TAFA1: variants seen among roughly 807,000 people sequenced by gnomAD.
The protein encoded by TAFA1 is TAFA chemokine like family member 1.
Under a neutral mutation model 18.5 loss-of-function variants are expected in TAFA1, and 4 were observed. That is an observed-to-expected ratio of 0.22 (90% CI 0.11 to 0.49). TAFA1 has a LOEUF of 0.49. TAFA1 is among the 20% of genes least tolerant of loss of function. The probability of loss-of-function intolerance (pLI) is 0.98; values close to 1 mark genes in which losing one functional copy is unlikely to be tolerated. For synonymous variants in TAFA1, 56 were observed against 55.2 expected, an observed-to-expected ratio of 1.01 and a Z score of -0.06; for missense variants, 147 against 169.0, an observed-to-expected ratio of 0.87 and a Z score of 0.72.
At chr3:68,348,863 C>A (rs1024303174) in intron 2 of TAFA1, among the ~76,000 whole-genome samples, 4 of 152,080 alleles carry the variant, frequency 2.6e-5, no homozygotes, top group African/African-American at 9.6e-5. Context: ...TGAAAAACTG[C>A]ACTAGGAAGA....
chr3:68,245,354 ACTTT>A (rs1473569966), intron 2 of TAFA1, among the ~76,000 whole-genome samples: 1 of 152,134 alleles, frequency 6.6e-6, no homozygotes, highest in African/African-American at 2.4e-5. Flanking sequence ...GCTAAGGATG[ACTTT>A]CTTTATTTAT....
chr3:68,338,027 T>C (rs1468326523), intron 2 of TAFA1, among the ~76,000 whole-genome samples: 4 of 152,210 alleles, frequency 2.6e-5, no homozygotes, highest in Non-Finnish European at 5.9e-5. Flanking sequence ...TAAGGTTCTT[T>C]GGGTTGGAGT....
intron 3 of TAFA1, among the ~76,000 whole-genome samples, chr3:68,514,067 G>A (rs1016059829): frequency 1.3e-5 from 2 of 152,096 alleles, no homozygotes; most frequent in African/African-American, 4.8e-5. Flanking sequence ...CATGGCAAAA[G>A]GGGTGAGGAA....
At chr3:68,056,615 A>G (rs1277555839) in intron 2 of TAFA1, among the ~76,000 whole-genome samples, 2 of 152,144 alleles carry the variant, frequency 1.3e-5, no homozygotes, top group Non-Finnish European at 2.9e-5. Flanking sequence ...CCAGAGCTTA[A>G]TCCCATGGGA....
chr3:68,205,170 C>T (rs1257972427), intron 2 of TAFA1, among the ~76,000 whole-genome samples: 1 of 151,800 alleles, frequency 6.6e-6, no homozygotes, highest in East Asian at 1.9e-4. Context: ...GATTTTTAGG[C>T]ATCACACCTT....
chr3:68,452,522 C>CAA (rs10663334), intron 3 of TAFA1, among the ~76,000 whole-genome samples: 37,660 of 112,926 alleles, frequency 0.33, 6,822 homozygotes, highest in East Asian at 0.69. Context: ...AACTCTCTCT[C>CAA]AAAAAAAAAA....
chr3:68,274,158 C>T (rs1388021139), intron 2 of TAFA1, among the ~76,000 whole-genome samples: 1 of 152,134 alleles, frequency 6.6e-6, no homozygotes, highest in Non-Finnish European at 1.5e-5. Context: ...ACAGTCTATT[C>T]AGTTGTGTGC....
chr3:68,452,934 G>T (rs549388680), intron 3 of TAFA1, among the ~76,000 whole-genome samples: 1 of 152,274 alleles, frequency 6.6e-6, no homozygotes, highest in Non-Finnish European at 1.5e-5. Context: ...AGAGGGAATT[G>T]TAAATGTTGA....
intron 2 of TAFA1, among the ~76,000 whole-genome samples, chr3:68,197,674 A>G (rs1207174866): frequency 6.6e-6 from 1 of 151,646 alleles, no homozygotes; most frequent in Admixed American, 6.6e-5. Context: ...CGAGCAAAGC[A>G]TGAATATATC....
At chr3:68,068,064 T>TTC (rs1404959944) in intron 2 of TAFA1, among the ~76,000 whole-genome samples, 1 of 152,238 alleles carries the variant, frequency 6.6e-6, no homozygotes, top group Non-Finnish European at 1.5e-5. Flanking sequence ...CAGTAATGTC[T>TTC]TCAGCAACTC....
At chr3:68,258,180 G>A (rs1054980048) in intron 2 of TAFA1, among the ~76,000 whole-genome samples, 1 of 152,158 alleles carries the variant, frequency 6.6e-6, no homozygotes, top group East Asian at 1.9e-4. Flanking sequence ...AATGTGCTGT[G>A]GTTATATAAG....
chr3:68,108,106 C>G (rs2065223642), intron 2 of TAFA1, among the ~76,000 whole-genome samples: 2 of 151,978 alleles, frequency 1.3e-5, no homozygotes, highest in South Asian at 4.1e-4. Context: ...TAAAAATCAC[C>G]TTTTACAGAA....
At chr3:68,446,694 T>C (rs988812167) in intron 3 of TAFA1, among the ~76,000 whole-genome samples, 19 of 152,322 alleles carry the variant, frequency 1.2e-4, no homozygotes, top group African/African-American at 4.6e-4. Flanking sequence ...ACAGGTTAAC[T>C]TTCCCTTTTG....
intron 3 of TAFA1, among the ~76,000 whole-genome samples, chr3:68,459,676 A>G (rs1186262278): frequency 6.6e-6 from 1 of 152,226 alleles, no homozygotes; most frequent in Non-Finnish European, 1.5e-5. Context: ...TTTGAAACGA[A>G]TGATAAAATC....
chr3:68,428,505 T>A (rs2071101466), intron 3 of TAFA1, among the ~76,000 whole-genome samples: 1 of 151,746 alleles, frequency 6.6e-6, no homozygotes, highest in African/African-American at 2.4e-5. Flanking sequence ...GAAACCTGGG[T>A]TCCTAGATGG....
intron 2 of TAFA1, among the ~76,000 whole-genome samples, chr3:68,175,185 G>T (rs538344205): frequency 2.0e-5 from 3 of 152,338 alleles, no homozygotes; most frequent in African/African-American, 7.2e-5. Flanking sequence ...TGCTGCAGGC[G>T]CAGGGCCCTC....
intron 2 of TAFA1, among the ~76,000 whole-genome samples, chr3:68,175,884 A>T (rs2066118678): frequency 6.6e-6 from 1 of 152,216 alleles, no homozygotes; most frequent in South Asian, 2.1e-4. Flanking sequence ...GAATTCCCAC[A>T]TGTGGTGGGA....
At chr3:68,364,524 G>C (rs1471058047) in intron 2 of TAFA1, among the ~76,000 whole-genome samples, 1 of 152,148 alleles carries the variant, frequency 6.6e-6, no homozygotes, top group Non-Finnish European at 1.5e-5. Flanking sequence ...ATAATAAAGA[G>C]AAGGATGCAT....
chr3:68,328,033 G>T (rs1464106581), intron 2 of TAFA1, among the ~76,000 whole-genome samples: 1 of 152,060 alleles, frequency 6.6e-6, no homozygotes, highest in East Asian at 1.9e-4. Context: ...GTACCTTCAA[G>T]GGCATATCTG....
Sources: gnomAD v4.1 joint callset for allele counts (sites outside exome capture counted in the v4.1 genomes callset) on GRCh38, gnomAD v4.1.1 for gene constraint, MANE v1.5 for transcripts, NCBI Gene and HGNC (gene_info 2026-07-23, HGNC 2026-07-21) for gene names.